Variants in LRRC37A2 observed in about 807,000 individuals in gnomAD.
LRRC37A2 encodes leucine rich repeat containing 37 member A2.
A neutral mutation model predicts 68.8 loss-of-function variants in LRRC37A2; 9 were observed. The observed-to-expected ratio is 0.13, with a 90% CI of 0.08 to 0.23. The LOEUF (loss-of-function observed/expected upper bound fraction) is 0.23, where lower values mean the gene tolerates loss of function less well. Ranked by LOEUF, LRRC37A2 falls within the 10% of genes least tolerant of loss-of-function variation. The probability of loss-of-function intolerance (pLI) is 1.00; values close to 1 mark genes in which losing one functional copy is unlikely to be tolerated. For missense variants in LRRC37A2, 168 were observed against 950.4 expected, an observed-to-expected ratio of 0.18 and a Z score of 10.82; for synonymous variants, 63 against 367.6, an observed-to-expected ratio of 0.17 and a Z score of 9.48.
chr17:46,736,994 T>C, the LRRC37A2 span, among the ~76,000 whole-genome samples: 1 of 152,244 alleles, frequency 6.6e-6, no homozygotes, highest in Admixed American at 6.5e-5. Flanking sequence ...TTAAGCTTCA[T>C]TGAAAGGAGA....
At chr17:46,925,953 C>A in the LRRC37A2 span, among the ~76,000 whole-genome samples, 1 of 152,140 alleles carries the variant, frequency 6.6e-6, no homozygotes, top group African/African-American at 2.4e-5. Context: ...TTTTTGAGAT[C>A]CCAATGGTTG....
the LRRC37A2 span, among the ~76,000 whole-genome samples, chr17:46,622,580 C>T: frequency 1.4e-4 from 20 of 147,000 alleles, 2 homozygotes; most frequent in African/African-American, 4.1e-4. Flanking sequence ...CTCAGGAGTT[C>T]GAGACCAGCC....
the LRRC37A2 span, chr17:46,978,860 C>A: frequency 6.3e-7 from 1 of 1,581,102 alleles, no homozygotes; most frequent in Non-Finnish European, 8.6e-7. Context: ...GCGGGGACCC[C>A]GTCGCTGGCG....
chr17:46,770,200 C>A, the LRRC37A2 span: 4 of 1,106,228 alleles, frequency 3.6e-6, no homozygotes, highest in Non-Finnish European at 5.0e-6. Context: ...AGCTTCCCCA[C>A]CCTCTTTGGC....
At chr17:46,787,541 C>T in the LRRC37A2 span, among the ~76,000 whole-genome samples, 3 of 152,376 alleles carry the variant, frequency 2.0e-5, no homozygotes, top group African/African-American at 7.2e-5. Context: ...GGCCTGCTGA[C>T]TCCCAGCCAG....
intron 11 of LRRC37A2, among the ~76,000 whole-genome samples, chr17:46,551,284 C>T (rs1226609968): frequency 1.3e-5 from 2 of 149,770 alleles, no homozygotes; most frequent in Non-Finnish European, 2.9e-5. Flanking sequence ...GTCTTTTGTT[C>T]GATTACATGA....
chr17:46,542,894 A>T (rs1402559466), intron 8 of LRRC37A2, among the ~76,000 whole-genome samples: 1 of 150,092 alleles, frequency 6.7e-6, no homozygotes, highest in Non-Finnish European at 1.5e-5. Flanking sequence ...AGGGCCCTTC[A>T]TTTAGCACTC....
chr17:46,526,484 A>G (rs1373365768), intron 6 of LRRC37A2, among the ~76,000 whole-genome samples: 2 of 104,002 alleles, frequency 1.9e-5, no homozygotes, highest in African/African-American at 7.4e-5. Context: ...AGGTCGTGGG[A>G]GGGCCCCTGG....
At chr17:46,995,696 C>T in the LRRC37A2 span, among the ~76,000 whole-genome samples, 1 of 152,172 alleles carries the variant, frequency 6.6e-6, no homozygotes, top group African/African-American at 2.4e-5. Flanking sequence ...CATGGAGCAC[C>T]CTGTTGGCTC....
chr17:47,022,060 G>A, the LRRC37A2 span: 20 of 699,440 alleles, frequency 2.9e-5, no homozygotes, highest in African/African-American at 8.9e-5. Context: ...GACTGCAATC[G>A]TATGGTTATT....
chr17:46,814,194 C>T, the LRRC37A2 span, among the ~76,000 whole-genome samples: 3 of 152,188 alleles, frequency 2.0e-5, no homozygotes, highest in African/African-American at 4.8e-5. Context: ...CTCTTGGCCC[C>T]GGAGCTGTTG....
At chr17:46,872,721 G>T in the LRRC37A2 span, 1 of 1,612,500 alleles carries the variant, frequency 6.2e-7, no homozygotes, top group Non-Finnish European at 8.5e-7. Flanking sequence ...TTCAGTTCCG[G>T]CATGAGCGCT....
the LRRC37A2 span, among the ~76,000 whole-genome samples, chr17:47,012,767 T>C: frequency 6.6e-6 from 1 of 152,218 alleles, no homozygotes; most frequent in Non-Finnish European, 1.5e-5. Flanking sequence ...AACCTTCATA[T>C]ACTGTTGATG....
chr17:46,899,491 T>C, the LRRC37A2 span, among the ~76,000 whole-genome samples: 2 of 152,130 alleles, frequency 1.3e-5, no homozygotes, highest in East Asian at 1.9e-4. Context: ...GAGAACATAA[T>C]GCTAAGTGAA....
chr17:46,935,888 T>C, the LRRC37A2 span: 35 of 985,876 alleles, frequency 3.6e-5, no homozygotes, highest in Non-Finnish European at 4.1e-5. Flanking sequence ...GCGTGGGTTC[T>C]GTCTGTTATC....
chr17:46,868,700 A>AC, the LRRC37A2 span, among the ~76,000 whole-genome samples: 1 of 152,182 alleles, frequency 6.6e-6, no homozygotes, highest in African/African-American at 2.4e-5. Context: ...TGTCCATCTT[A>AC]CCCCCTTGGC....
At chr17:46,849,387 A>C in the LRRC37A2 span, among the ~76,000 whole-genome samples, 1 of 152,210 alleles carries the variant, frequency 6.6e-6, no homozygotes, top group Non-Finnish European at 1.5e-5. Flanking sequence ...GCTTAGGGGC[A>C]TGAGAACAGG....
chr17:46,773,500 C>A, the LRRC37A2 span, among the ~76,000 whole-genome samples: 2 of 152,066 alleles, frequency 1.3e-5, no homozygotes, highest in East Asian at 3.9e-4. Context: ...GGCGGCCCAG[C>A]CCCCAGCAGC....
the LRRC37A2 span, among the ~76,000 whole-genome samples, chr17:46,818,928 G>A: frequency 2.0e-5 from 3 of 152,154 alleles, no homozygotes; most frequent in Non-Finnish European, 2.9e-5. Context: ...CGCCCCGGAC[G>A]CCGCGGGGCT....
Sources: allele counts gnomAD v4.1 joint callset (sites outside exome capture counted in the v4.1 genomes callset), GRCh38; gene constraint gnomAD v4.1.1; transcripts MANE v1.5; gene names NCBI Gene and HGNC (gene_info 2026-07-23, HGNC 2026-07-21).